Variants in ADARB2 observed in about 807,000 individuals in gnomAD.
ADARB2 encodes adenosine deaminase RNA specific B2 (inactive).
Under a neutral mutation model 62.2 loss-of-function variants are expected in ADARB2, and 25 were observed. The ratio of observed to expected loss-of-function variants is 0.40; its 90% CI spans 0.29 to 0.56. The LOEUF (loss-of-function observed/expected upper bound fraction) is 0.56, where lower values mean the gene tolerates loss of function less well. Among genes scored for constraint, ADARB2 ranks in the 20% least tolerant of loss-of-function variants. The pLI, the probability that ADARB2 is intolerant of heterozygous loss-of-function variation, is 0.43. For synonymous variants in ADARB2, 572 were observed against 500.8 expected (o/e 1.14, Z -1.90); for missense variants, 1,071 against 1,077.4 (o/e 0.99, Z 0.08).
chr10:1,265,336 C>T (rs931072125), intron 4 of ADARB2, among the ~76,000 whole-genome samples: 1 of 152,244 alleles, frequency 6.6e-6, no homozygotes, highest in Non-Finnish European at 1.5e-5. Context: ...AAGAATCATT[C>T]GCTCATGAAA....
chr10:1,522,837 GC>G (rs1239151696), intron 1 of ADARB2, among the ~76,000 whole-genome samples: 2 of 152,120 alleles, frequency 1.3e-5, no homozygotes, highest in African/African-American at 4.8e-5. Context: ...CTCAGGCCAG[GC>G]CCCTTCATGC....
At chr10:1,289,003 C>G (rs187297209) in intron 3 of ADARB2, among the ~76,000 whole-genome samples, 2 of 152,260 alleles carry the variant, frequency 1.3e-5, no homozygotes, top group East Asian at 3.9e-4. Context: ...CATGATACCT[C>G]CCTCCATTGT....
chr10:1,696,131 T>C (rs1009633766), intron 1 of ADARB2, among the ~76,000 whole-genome samples: 1 of 139,620 alleles, frequency 7.2e-6, no homozygotes, highest in Non-Finnish European at 1.6e-5. Context: ...TTGCATGTAG[T>C]ATCACACATG....
chr10:1,408,754 C>G (rs1284333015), intron 1 of ADARB2, among the ~76,000 whole-genome samples: 1 of 152,226 alleles, frequency 6.6e-6, no homozygotes, highest in Non-Finnish European at 1.5e-5. Flanking sequence ...CTGGATTTCA[C>G]TTGCCTCCCA....
chr10:1,209,568 T>C (rs1204435969), intron 7 of ADARB2, among the ~76,000 whole-genome samples: 9 of 72,038 alleles, frequency 1.2e-4, no homozygotes, highest in Middle Eastern at 0.011. Context: ...CACACCCACA[T>C]CATCACCCAC....
At chr10:1,384,512 C>G (rs943754402) in intron 1 of ADARB2, among the ~76,000 whole-genome samples, 2 of 152,148 alleles carry the variant, frequency 1.3e-5, no homozygotes, top group Non-Finnish European at 2.9e-5. Flanking sequence ...TTGCAGCTCA[C>G]CAGCTGTCTC....
chr10:1,285,874 G>A (rs916201971), intron 3 of ADARB2, among the ~76,000 whole-genome samples: 6 of 152,098 alleles, frequency 3.9e-5, no homozygotes, highest in African/African-American at 1.4e-4. Context: ...CAAAGTGGTG[G>A]GATACTAAAA....
chr10:1,214,791 A>C (rs1837211786), intron 7 of ADARB2, among the ~76,000 whole-genome samples: 1 of 152,172 alleles, frequency 6.6e-6, no homozygotes, highest in Admixed American at 6.5e-5. Context: ...GGAAGAATAC[A>C]TTTTCTTTTG....
At chr10:1,713,208 G>A (rs1834974889) in intron 1 of ADARB2, among the ~76,000 whole-genome samples, 1 of 152,200 alleles carries the variant, frequency 6.6e-6, no homozygotes, top group Non-Finnish European at 1.5e-5. Context: ...TGGGTGATGG[G>A]AGGCGAAGGC....
rs369397900 is a variant in ADARB2, at chr10:1,199,999, C to G, written c.1831G>C (p.Ala611Pro). ...HRMEGVGQLP[A>P]SYRHNRPLLS... ...AGAGGCCGGTTGTGCCGGTAGGAGG[C>G]GGGCAGCTGGCCGACACCCTCCATG... The change falls in exon 8 of 10, where the codon GCC becomes CCC. Residue 611 changes from alanine (A) to proline (P), a missense_variant. Coordinates refer to ENST00000381312, the MANE Select transcript of ADARB2 (RefSeq NM_018702.4). 6.4e-6 allele frequency: 10 copies of G among 1,573,770 alleles called. No homozygotes were observed. In the East Asian group the frequency reaches 9.1e-5, roughly 14 times the overall value.
At chr10:1,630,184 T>C (rs771711739) in intron 1 of ADARB2, among the ~76,000 whole-genome samples, 2 of 152,182 alleles carry the variant, frequency 1.3e-5, no homozygotes, top group Non-Finnish European at 2.9e-5. Context: ...TAGCAAACAT[T>C]CATGAAGGGT....
At chr10:1,247,514 A>C (rs1332391484) in intron 4 of ADARB2, among the ~76,000 whole-genome samples, 2 of 152,146 alleles carry the variant, frequency 1.3e-5, no homozygotes, top group Non-Finnish European at 2.9e-5. Flanking sequence ...ATTAATGAAG[A>C]ATGGCCAAAT....
intron 8 of ADARB2, among the ~76,000 whole-genome samples, chr10:1,195,392 TTTTTTTTG>T (rs1367127697): frequency 1.4e-4 from 18 of 129,740 alleles, no homozygotes; most frequent in African/African-American, 5.7e-4. Context: ...GTACACAGTT[TTTTTTTTG>T]TTTTTTTTTT....
intron 1 of ADARB2, among the ~76,000 whole-genome samples, chr10:1,721,060 C>G (rs1023187949): frequency 6.6e-6 from 1 of 152,158 alleles, no homozygotes; most frequent in Non-Finnish European, 1.5e-5. Context: ...TAACTGAAAA[C>G]AAGGCCAGCA....
At chr10:1,656,689 G>A (rs1320858098) in intron 1 of ADARB2, among the ~76,000 whole-genome samples, 5 of 152,164 alleles carry the variant, frequency 3.3e-5, no homozygotes, top group Non-Finnish European at 1.5e-5. Flanking sequence ...TCTTCATGTG[G>A]GATGTGCCAG....
At chr10:1,521,161 C>T (rs973805967) in intron 1 of ADARB2, among the ~76,000 whole-genome samples, 3 of 152,062 alleles carry the variant, frequency 2.0e-5, no homozygotes, top group Non-Finnish European at 4.4e-5. Context: ...CTGTATTAGT[C>T]GTAGAAACTG....
chr10:1,434,899 G>A (rs1180754499), intron 1 of ADARB2, among the ~76,000 whole-genome samples: 1 of 152,192 alleles, frequency 6.6e-6, no homozygotes. Flanking sequence ...CCTTCTCCCT[G>A]TAACCAGTTA....
chr10:1,723,234 A>C (rs539947755), intron 1 of ADARB2, among the ~76,000 whole-genome samples: 1 of 152,174 alleles, frequency 6.6e-6, no homozygotes, highest in Non-Finnish European at 1.5e-5. Flanking sequence ...AGCTTCCAGC[A>C]GTGTCTTTTC....
chr10:1,478,134 G>T (rs929171334), intron 1 of ADARB2, among the ~76,000 whole-genome samples: 3 of 152,256 alleles, frequency 2.0e-5, no homozygotes, highest in African/African-American at 7.2e-5. Flanking sequence ...CTCCAGTCAT[G>T]GGAGCTCTGC....
Sources: allele counts gnomAD v4.1 joint callset (sites outside exome capture counted in the v4.1 genomes callset), GRCh38; gene constraint gnomAD v4.1.1; transcripts MANE v1.5; gene names NCBI Gene and HGNC (gene_info 2026-07-23, HGNC 2026-07-21).